The following RYR2 variants were observed in gnomAD, a reference collection of about 807,000 sequenced individuals.
The protein encoded by RYR2 is cardiac muscle ryanodine receptor-calcium release channel.
In RYR2, 227 loss-of-function variants were observed where a neutral mutation model predicts 601.1. The observed-to-expected ratio is 0.38, with a 90% confidence interval of 0.34 to 0.42. The LOEUF (loss-of-function observed/expected upper bound fraction) is 0.42, where lower values mean the gene tolerates loss of function less well. Ranked by LOEUF, RYR2 falls within the 10% of genes least tolerant of loss-of-function variation. RYR2 has a pLI of 1.00. For missense variants in RYR2, 4,646 were observed against 6,156.5 expected, an observed-to-expected ratio of 0.75 and a Z score of 8.21; for synonymous variants, 2,223 against 2,175.1, an observed-to-expected ratio of 1.02 and a Z score of -0.61.
intron 2 of RYR2, among the ~76,000 whole-genome samples, chr1:237,303,735 T>A (rs1191323883): frequency 6.6e-6 from 1 of 152,242 alleles, no homozygotes; most frequent in Non-Finnish European, 1.5e-5. Context: ...TGTGACAGTC[T>A]TTGCAATCAC....
chr1:237,391,033 G>A (rs1702331255), intron 10 of RYR2, among the ~76,000 whole-genome samples: 1 of 152,124 alleles, frequency 6.6e-6, no homozygotes, highest in Non-Finnish European at 1.5e-5. Context: ...AAAACTATTT[G>A]TGTTGGTTAT....
intron 29 of RYR2, among the ~76,000 whole-genome samples, chr1:237,577,843 C>T (rs1267287901): frequency 6.6e-6 from 1 of 152,208 alleles, no homozygotes; most frequent in African/African-American, 2.4e-5. Flanking sequence ...TACTCTGTCA[C>T]CCAGGCTGGA....
chr1:237,223,068 TCAAAA>T (rs1047264227), intron 1 of RYR2, among the ~76,000 whole-genome samples: 6 of 152,156 alleles, frequency 3.9e-5, no homozygotes, highest in African/African-American at 1.4e-4. Context: ...AAACTCCGTC[TCAAAA>T]CAAAACAAAA....
At chr1:237,371,426 G>A (rs1264102689) in intron 6 of RYR2, among the ~76,000 whole-genome samples, 3 of 152,136 alleles carry the variant, frequency 2.0e-5, no homozygotes, top group African/African-American at 7.2e-5. Context: ...CAAAGTCCTG[G>A]GATTACAGGC....
At chr1:237,768,869 C>T (rs1694055433) in intron 84 of RYR2, among the ~76,000 whole-genome samples, 1 of 152,182 alleles carries the variant, frequency 6.6e-6, no homozygotes, top group South Asian at 2.1e-4. Flanking sequence ...CTAACCCCTC[C>T]CCTCTTCCCA....
chr1:237,817,215 G>T (rs542009178), intron 100 of RYR2, among the ~76,000 whole-genome samples: 9 of 152,192 alleles, frequency 5.9e-5, no homozygotes, highest in Non-Finnish European at 1.2e-4. Context: ...ATTTAATTCT[G>T]TTCCCTAAAT....
chr1:237,554,288 G>A (rs1403115712), intron 27 of RYR2, among the ~76,000 whole-genome samples: 6 of 151,834 alleles, frequency 4.0e-5, no homozygotes, highest in East Asian at 1.9e-4. Flanking sequence ...TGGATATCAT[G>A]ACTATCAAGT....
chr1:237,807,211 TTAA>T (rs1228683197), intron 99 of RYR2, among the ~76,000 whole-genome samples: 2 of 152,176 alleles, frequency 1.3e-5, no homozygotes, highest in Non-Finnish European at 2.9e-5. Flanking sequence ...TATCTGTCAG[TTAA>T]TAAGATGTGT....
intron 101 of RYR2, among the ~76,000 whole-genome samples, chr1:237,825,885 G>A (rs1394981952): frequency 4.6e-5 from 7 of 152,062 alleles, no homozygotes; most frequent in African/African-American, 9.7e-5. Context: ...CTCAAAAGAC[G>A]ACATTTATGC....
intron 1 of RYR2, among the ~76,000 whole-genome samples, chr1:237,105,749 G>A (rs1425189978): frequency 6.7e-6 from 1 of 149,240 alleles, no homozygotes; most frequent in African/African-American, 2.5e-5. Context: ...CACAAGAATC[G>A]CTTGAACCCA....
chr1:237,260,607 CA>C (rs1324466407), intron 1 of RYR2, among the ~76,000 whole-genome samples: 2 of 152,108 alleles, frequency 1.3e-5, no homozygotes, highest in African/African-American at 2.4e-5. Flanking sequence ...CCAAGGTGGG[CA>C]GATCGCTTAA....
intron 11 of RYR2, among the ~76,000 whole-genome samples, chr1:237,422,415 T>C (rs1395923707): frequency 6.6e-6 from 1 of 152,184 alleles, no homozygotes; most frequent in Non-Finnish European, 1.5e-5. Context: ...TCATAACTTA[T>C]CATTTTACTG....
chr1:237,723,287 A>G (rs746847913), intron 74 of RYR2, 25 bp downstream of exon 74: 5 of 1,592,824 alleles, frequency 3.1e-6, no homozygotes, highest in Non-Finnish European at 4.3e-6. Context: ...CAATTCAATC[A>G]TATTTGCCTT....
chr1:237,135,822 T>A (rs1672714168), intron 1 of RYR2, among the ~76,000 whole-genome samples: 1 of 152,256 alleles, frequency 6.6e-6, no homozygotes, highest in Admixed American at 6.5e-5. Flanking sequence ...GAATCTTTCC[T>A]ATGCTGAATG....
intron 1 of RYR2, among the ~76,000 whole-genome samples, chr1:237,142,845 T>C (rs1673537512): frequency 6.6e-6 from 1 of 152,112 alleles, no homozygotes; most frequent in Admixed American, 6.5e-5. Flanking sequence ...TCATTACCTC[T>C]CACTTTTCTC....
At chr1:237,192,050 A>C (rs1680018512) in intron 1 of RYR2, among the ~76,000 whole-genome samples, 1 of 152,068 alleles carries the variant, frequency 6.6e-6, no homozygotes, top group African/African-American at 2.4e-5. Context: ...GTTTTTGGAA[A>C]ATATTCAGTA....
At chr1:237,603,893 C>A (rs1676798340) in intron 35 of RYR2, among the ~76,000 whole-genome samples, 1 of 152,252 alleles carries the variant, frequency 6.6e-6, no homozygotes, top group Non-Finnish European at 1.5e-5. Context: ...ATATATGCAC[C>A]CAATACAGGA....
At chr1:237,298,632 A>G (rs1693043039) in intron 2 of RYR2, among the ~76,000 whole-genome samples, 1 of 152,166 alleles carries the variant, frequency 6.6e-6, no homozygotes, top group South Asian at 2.1e-4. Context: ...CTGTAGCAAC[A>G]TAACAGAGTT....
intron 62 of RYR2, 52 bp from the exon 63 acceptor site, chr1:237,687,403 C>G: frequency 1.3e-4 from 38 of 282,722 alleles, no homozygotes; most frequent in Non-Finnish European, 1.8e-4. Flanking sequence ...CCTGTCTTTT[C>G]TACCTTCCCT....
Sources: gnomAD v4.1 joint callset for allele counts (sites outside exome capture counted in the v4.1 genomes callset) on GRCh38, gnomAD v4.1.1 for gene constraint, MANE v1.5 for transcripts, NCBI Gene and HGNC (gene_info 2026-07-23, HGNC 2026-07-21) for gene names.